Variants in ADAMTS19 observed in about 807,000 individuals in gnomAD.
The protein encoded by ADAMTS19 is A disintegrin and metalloproteinase with thrombospondin motifs 19.
A neutral mutation model predicts 153.3 loss-of-function variants in ADAMTS19; 93 were observed. That is an observed-to-expected ratio of 0.61 (90% CI 0.51 to 0.72). The LOEUF (loss-of-function observed/expected upper bound fraction) is 0.72. Among genes scored for constraint, ADAMTS19 ranks in the 30% least tolerant of loss-of-function variants. The pLI, the probability that ADAMTS19 is intolerant of heterozygous loss-of-function variation, is 0.00. For missense variants in ADAMTS19, 1,482 were observed against 1,552.1 expected (o/e 0.95, Z 0.76); for synonymous variants, 600 against 556.6 (o/e 1.08, Z -1.10).
intron 10 of ADAMTS19, among the ~76,000 whole-genome samples, 166 bp downstream of exon 10, chr5:129,622,514 G>A (rs1429889889): frequency 6.6e-6 from 1 of 152,148 alleles, no homozygotes; most frequent in African/African-American, 2.4e-5. Flanking sequence ...TACTTTGGAA[G>A]CGATAGAAAT....
At chr5:129,624,809 ATTTAT>A (rs1251768972) in intron 10 of ADAMTS19, among the ~76,000 whole-genome samples, 3 of 152,098 alleles carry the variant, frequency 2.0e-5, no homozygotes, top group Non-Finnish European at 2.9e-5. Flanking sequence ...GTGTTTAATT[ATTTAT>A]TTTATGATGT....
chr5:129,673,644 A>T (rs1754411722), intron 16 of ADAMTS19, among the ~76,000 whole-genome samples: 1 of 152,222 alleles, frequency 6.6e-6, no homozygotes, highest in East Asian at 1.9e-4. Context: ...AATATCAATT[A>T]GTTTTATTTG....
At chr5:129,589,839 ATAAAGTGTCTTAT>A (rs1750011193) in intron 7 of ADAMTS19, among the ~76,000 whole-genome samples, 1 of 152,114 alleles carries the variant, frequency 6.6e-6, no homozygotes, top group Non-Finnish European at 1.5e-5. Context: ...TGCTGAGGTG[ATAAAGTGTCTTAT>A]CATAGTCATA....
chr5:129,676,154 C>A (rs546281834), intron 16 of ADAMTS19, among the ~76,000 whole-genome samples: 1 of 152,244 alleles, frequency 6.6e-6, no homozygotes. Context: ...CAATCCCTGA[C>A]TTTTTCCCAT....
chr5:129,558,965 T>C (rs1753408966), intron 7 of ADAMTS19, among the ~76,000 whole-genome samples: 1 of 151,962 alleles, frequency 6.6e-6, no homozygotes, highest in Admixed American at 6.6e-5. Context: ...GAAATGTTAA[T>C]CATAAAGAAG....
intron 7 of ADAMTS19, among the ~76,000 whole-genome samples, chr5:129,571,352 A>ATATATG (rs1482202090): frequency 6.6e-6 from 1 of 151,702 alleles, no homozygotes; most frequent in African/African-American, 2.4e-5. Context: ...GTGTATGTAT[A>ATATATG]TATATGTATA....
intron 21 of ADAMTS19, among the ~76,000 whole-genome samples, chr5:129,732,446 T>C (rs530676017): frequency 1.3e-5 from 2 of 152,180 alleles, no homozygotes; most frequent in African/African-American, 4.8e-5. Flanking sequence ...TTCAAAAGAC[T>C]CCTAGACTTG....
At chr5:129,619,709 C>T (rs1339941668) in intron 8 of ADAMTS19, among the ~76,000 whole-genome samples, 1 of 151,794 alleles carries the variant, frequency 6.6e-6, no homozygotes, top group East Asian at 1.9e-4. Flanking sequence ...AAATTCAAGA[C>T]TTTGTATATA....
intron 16 of ADAMTS19, among the ~76,000 whole-genome samples, chr5:129,670,701 T>G (rs1294086375): frequency 2.0e-5 from 3 of 152,174 alleles, no homozygotes; most frequent in African/African-American, 7.2e-5. Flanking sequence ...CCATATAACC[T>G]CTTTTTCCCC....
intron 7 of ADAMTS19, among the ~76,000 whole-genome samples, chr5:129,583,140 A>T (rs535972561): frequency 6.6e-6 from 1 of 152,108 alleles, no homozygotes; most frequent in Non-Finnish European, 1.5e-5. Flanking sequence ...GCTTGTCTGT[A>T]AAGGATTTTA....
chr5:129,460,505 C>T, intron 1 of ADAMTS19, 23 bp downstream of exon 1: 2 of 1,613,864 alleles, frequency 1.2e-6, no homozygotes, highest in East Asian at 4.5e-5. Flanking sequence ...GTGACTTTCT[C>T]GCTTCCTTTC....
rs910483756 is a variant in ADAMTS19, at chr5:129,684,244, G to A, written c.2789G>A (p.Trp930Ter). ...CTCTTCATGTGGACACACACAAGCT[G>A]GGAAGATTGCGATGCCACTTGTGGA... ...EPLFMWTHTS[W>*]EDCDATCGGG... The change falls in exon 18 of 23, where the codon TGG becomes TAG. Residue 930 changes from tryptophan to a stop codon, truncating the protein, a stop_gained. Transcript: ENST00000274487. LOFTEE classifies it high-confidence loss of function. 6.2e-7 allele frequency: 1 copy of A among 1,614,034 alleles called. No homozygotes were observed. The highest frequency in any genetic ancestry group is 8.5e-7 in the Non-Finnish European group (1 of 1,179,990).
intron 8 of ADAMTS19, among the ~76,000 whole-genome samples, chr5:129,600,030 G>T (rs1462268321): frequency 6.6e-6 from 1 of 152,064 alleles, no homozygotes; most frequent in African/African-American, 2.4e-5. Context: ...AGGAAGAAAA[G>T]TATCTATATG....
At chr5:129,505,886 G>A (rs1243054668) in intron 2 of ADAMTS19, among the ~76,000 whole-genome samples, 1 of 151,968 alleles carries the variant, frequency 6.6e-6, no homozygotes, top group African/African-American at 2.4e-5. Context: ...ATTTAAAAAG[G>A]AAAATATGAA....
At chr5:129,665,703 C>G in intron 16 of ADAMTS19, 124 bp downstream of exon 16, 1 of 707,654 alleles carries the variant, frequency 1.4e-6, no homozygotes, top group Non-Finnish European at 2.1e-6. Flanking sequence ...CAGGAACTAT[C>G]TTTTGTCATA....
At chr5:129,706,594 G>A (rs147372517) in intron 21 of ADAMTS19, among the ~76,000 whole-genome samples, 1,992 of 150,800 alleles carry the variant, frequency 0.013, 15 homozygotes, top group African/African-American at 0.019. Flanking sequence ...AAACTTAAAT[G>A]TTAGTTGTTG....
At chr5:129,595,028 A>T (rs561348613) in intron 7 of ADAMTS19, among the ~76,000 whole-genome samples, 4 of 151,892 alleles carry the variant, frequency 2.6e-5, no homozygotes, top group Non-Finnish European at 4.4e-5. Flanking sequence ...GTAAAGATAT[A>T]AAAAAAACTA....
chr5:129,495,775 A>T (rs1435237921), intron 2 of ADAMTS19, among the ~76,000 whole-genome samples: 1 of 152,124 alleles, frequency 6.6e-6, no homozygotes, highest in Non-Finnish European at 1.5e-5. Flanking sequence ...ATGCATGGTC[A>T]TGCATGGACA....
At position 129,597,533 on chromosome 5, in the gene ADAMTS19, G is replaced by A. The variant is rs554710089; in HGVS notation, c.1478+869G>A. On this transcript the variant is annotated intron_variant, in intron 8 of 22. Transcript: ENST00000274487. Reference sequence around the variant, plus strand: ...GGCCTAGATTCCTCGTCAGTGAATCGGGATAATACCTTTGTTATGGGATTA... The same window carrying A: ...GGCCTAGATTCCTCGTCAGTGAATCAGGATAATACCTTTGTTATGGGATTA... Among the ~76,000 whole-genome samples, 20 of 152,212 alleles carry A rather than the reference G, an allele frequency of 1.3e-4. No homozygotes were observed. In the East Asian group the frequency reaches 2.9e-3, roughly 22 times the overall value.
Sources: allele counts gnomAD v4.1 joint callset (sites outside exome capture counted in the v4.1 genomes callset), GRCh38; gene constraint gnomAD v4.1.1; transcripts MANE v1.5; gene names NCBI Gene and HGNC (gene_info 2026-07-23, HGNC 2026-07-21).